Variants in TEX101 observed in about 807,000 individuals in gnomAD.
TEX101 encodes testis-expressed protein 101.
TEX101 carries 10 observed loss-of-function variants against 18.1 expected under a neutral mutation model. The ratio of observed to expected loss-of-function variants is 0.55; its 90% CI spans 0.34 to 0.94. The LOEUF (loss-of-function observed/expected upper bound fraction) is 0.94, where lower values mean the gene tolerates loss of function less well. Among genes scored for constraint, TEX101 ranks in the 40% least tolerant of loss-of-function variants. TEX101 has a pLI of 0.02. For missense variants in TEX101, 259 were observed against 298.9 expected (o/e 0.87, Z 0.98); for synonymous variants, 94 against 114.8 (o/e 0.82, Z 1.16).
chr19:43,413,496 CA>C (rs71169233), upstream of TEX101, among the ~76,000 whole-genome samples: 117,767 of 133,752 alleles, frequency 0.88, 51,575 homozygotes, highest in East Asian at 0.99. Flanking sequence ...AGGGAGACTC[CA>C]AAAAAAAAAA....
At chr19:43,395,456 G>T in the TEX101 span, among the ~76,000 whole-genome samples, 1 of 152,182 alleles carries the variant, frequency 6.6e-6, no homozygotes, top group South Asian at 2.1e-4. Context: ...TGATGTGGCT[G>T]CATGGATTTC....
At chr19:43,390,269 C>T in the TEX101 span, among the ~76,000 whole-genome samples, 1 of 152,056 alleles carries the variant, frequency 6.6e-6, no homozygotes, top group Non-Finnish European at 1.5e-5. Flanking sequence ...TCCCTGTTCC[C>T]TATGCACCCA....
At chr19:43,409,739 A>C (rs1168561982) in intron 3 of TEX101, among the ~76,000 whole-genome samples, 4 of 152,186 alleles carry the variant, frequency 2.6e-5, no homozygotes, top group African/African-American at 7.2e-5. Flanking sequence ...ATTGCACTCC[A>C]GCTCTGGGTG....
intron 1 of TEX101, among the ~76,000 whole-genome samples, chr19:43,415,384 C>T (rs1420252534): frequency 6.6e-6 from 1 of 151,970 alleles, no homozygotes; most frequent in Non-Finnish European, 1.5e-5. Context: ...AAAACTGGGG[C>T]GTGATAAACC....
At chr19:43,392,824 G>C in the TEX101 span, among the ~76,000 whole-genome samples, 1 of 152,172 alleles carries the variant, frequency 6.6e-6, no homozygotes, top group Non-Finnish European at 1.5e-5. Context: ...TTGGGAGGCT[G>C]AGACGGGTGG....
At chr19:43,398,180 A>T (rs1227699332), upstream of TEX101, among the ~76,000 whole-genome samples, 3 of 70,726 alleles carry the variant, frequency 4.2e-5, no homozygotes, top group East Asian at 4.0e-4. Context: ...TATAATATAT[A>T]AAAATATATA....
upstream of TEX101, among the ~76,000 whole-genome samples, chr19:43,397,670 CA>C (rs919452427): frequency 1.2e-4 from 18 of 148,996 alleles, no homozygotes; most frequent in Non-Finnish European, 2.5e-4. Flanking sequence ...ATGACTAGCC[CA>C]CAATACCGTG....
chr19:43,400,250 G>A (rs1381885168), upstream of TEX101, among the ~76,000 whole-genome samples: 1 of 152,174 alleles, frequency 6.6e-6, no homozygotes, highest in African/African-American at 2.4e-5. Flanking sequence ...TCTTGGAGAA[G>A]ATTCATTTTT....
upstream of TEX101, among the ~76,000 whole-genome samples, chr19:43,401,313 A>G (rs1357941124): frequency 6.6e-6 from 1 of 152,242 alleles, no homozygotes; most frequent in African/African-American, 2.4e-5. Context: ...TAGACACACA[A>G]ACACATTAAG....
the TEX101 span, among the ~76,000 whole-genome samples, chr19:43,388,821 T>G: frequency 6.6e-6 from 1 of 152,224 alleles, no homozygotes; most frequent in Non-Finnish European, 1.5e-5. Flanking sequence ...TTTCTTTTAC[T>G]TCTATGGATG....
chr19:43,415,770 A>G, intron 1 of TEX101, 111 bp from the exon 2 acceptor site: 1 of 959,768 alleles, frequency 1.0e-6, no homozygotes, highest in Admixed American at 2.2e-5. Context: ...AAAAAAAAAA[A>G]AAATGCAGAT....
At position 43,402,052 on chromosome 19, in the gene TEX101, T is replaced by A. The variant is rs181194879; in HGVS notation, c.-377+491T>A. 3.1e-3 allele frequency among the ~76,000 whole-genome samples: 470 copies of A among 152,344 alleles called. 2 individuals are homozygous for A. The highest frequency in any genetic ancestry group is 0.01 in the African/African-American group (431 of 41,578). On this transcript the variant is annotated intron_variant, in intron 1 of 7. Transcript: ENST00000602198. ...GTGCTCAACACGTTTGGAAATGCAG[T>A]CTACATAAGTGCTGCTTAACAAAAG...
At chr19:43,414,393 G>C (rs772581159), upstream of TEX101, among the ~76,000 whole-genome samples, 75 of 152,274 alleles carry the variant, frequency 4.9e-4, no homozygotes, top group Non-Finnish European at 8.4e-4. Flanking sequence ...GTGCGATAGC[G>C]CAATCAGATG....
At chr19:43,392,045 A>T in the TEX101 span, among the ~76,000 whole-genome samples, 1 of 152,204 alleles carries the variant, frequency 6.6e-6, no homozygotes, top group Admixed American at 6.5e-5. Flanking sequence ...GGCTTAGGGG[A>T]AAACAGAGAG....
chr19:43,391,743 A>G, the TEX101 span, among the ~76,000 whole-genome samples: 6 of 152,142 alleles, frequency 3.9e-5, no homozygotes, highest in East Asian at 5.8e-4. Flanking sequence ...ATGGATAAAC[A>G]TCAGGGTCGT....
chr19:43,393,118 A>G, the TEX101 span, among the ~76,000 whole-genome samples: 1 of 152,022 alleles, frequency 6.6e-6, no homozygotes, highest in Non-Finnish European at 1.5e-5. Context: ...GAAAGAAGGA[A>G]AGACAGAAGG....
chr19:43,401,093 T>A (rs1254633236), upstream of TEX101, among the ~76,000 whole-genome samples: 1 of 152,146 alleles, frequency 6.6e-6, no homozygotes, highest in African/African-American at 2.4e-5. Context: ...CATTTTAAGT[T>A]AAAATTGCCA....
intron 3 of TEX101, among the ~76,000 whole-genome samples, chr19:43,408,016 C>G (rs757007741): frequency 6.6e-6 from 1 of 152,330 alleles, no homozygotes; most frequent in African/African-American, 2.4e-5. Flanking sequence ...GGCGTGTGTC[C>G]GCTTCGCAGC....
rs143928267 is a variant in TEX101, at chr19:43,409,705, G to T, written c.15+3186G>T. On this transcript the variant is annotated intron_variant, in intron 3 of 7. Transcript: ENST00000602198. ...AATTGCTTGAACCTGGGAGGCGAAG[G>T]TTGCAGTGAGCCAAGATTGCACCAT... 2.6e-3 allele frequency among the ~76,000 whole-genome samples: 394 copies of T among 152,200 alleles called. 2 individuals are homozygous for T. The highest frequency in any genetic ancestry group is 9.3e-3 in the African/African-American group (386 of 41,532).
Sources: allele counts gnomAD v4.1 joint callset (sites outside exome capture counted in the v4.1 genomes callset), GRCh38; gene constraint gnomAD v4.1.1; transcripts MANE v1.5; gene names NCBI Gene and HGNC (gene_info 2026-07-23, HGNC 2026-07-21).